Variants in RBFOX1 observed in about 807,000 individuals in gnomAD.
The protein encoded by RBFOX1 is RNA binding fox-1 homolog 1, also known as RNA binding protein fox-1 homolog 1.
A neutral mutation model predicts 57.7 loss-of-function variants in RBFOX1; 8 were observed. The observed-to-expected ratio is 0.14, with a 90% CI of 0.08 to 0.25. The LOEUF is 0.25. Ranked by LOEUF, RBFOX1 falls within the 10% of genes least tolerant of loss-of-function variation. The pLI, the probability that RBFOX1 is intolerant of heterozygous loss-of-function variation, is 1.00. For synonymous variants in RBFOX1, 326 were observed against 222.4 expected, an observed-to-expected ratio of 1.47 and a Z score of -4.15; for missense variants, 611 against 548.5, an observed-to-expected ratio of 1.11 and a Z score of -1.14.
intron 1 of RBFOX1, among the ~76,000 whole-genome samples, chr16:6,211,348 C>T (rs1046737667): frequency 6.6e-6 from 1 of 151,552 alleles, no homozygotes; most frequent in Non-Finnish European, 1.5e-5. Flanking sequence ...TCTACCTCAG[C>T]CTCCCAGGTA....
intron 4 of RBFOX1, among the ~76,000 whole-genome samples, chr16:5,987,976 C>T (rs978326400): frequency 6.6e-6 from 1 of 152,064 alleles, no homozygotes; most frequent in Non-Finnish European, 1.5e-5. Flanking sequence ...TTCCTGAGGC[C>T]CCACAGCCAG....
At chr16:6,358,192 C>G (rs2152861835) in intron 2 of RBFOX1, among the ~76,000 whole-genome samples, 1 of 152,266 alleles carries the variant, frequency 6.6e-6, no homozygotes, top group East Asian at 1.9e-4. Flanking sequence ...CCATGAAACA[C>G]TGACACCTCC....
intron 2 of RBFOX1, among the ~76,000 whole-genome samples, chr16:6,432,608 G>GTGGTTCA (rs1260899699): frequency 6.6e-6 from 1 of 152,088 alleles, no homozygotes; most frequent in Non-Finnish European, 1.5e-5. Context: ...CCTGAACCCA[G>GTGGTTCA]GAGGCGGAGG....
At chr16:7,224,095 T>C (rs1209030172) in intron 4 of RBFOX1, among the ~76,000 whole-genome samples, 1 of 131,702 alleles carries the variant, frequency 7.6e-6, no homozygotes, top group African/African-American at 2.9e-5. Context: ...TCTTTCAGGA[T>C]CTAGATTTTC....
chr16:5,880,649 C>T (rs1184497986), intron 4 of RBFOX1, among the ~76,000 whole-genome samples: 1 of 152,132 alleles, frequency 6.6e-6, no homozygotes, highest in Non-Finnish European at 1.5e-5. Context: ...GAATGAGTCT[C>T]TGTGTGTGTA....
intron 3 of RBFOX1, among the ~76,000 whole-genome samples, chr16:6,712,117 C>A (rs1381840226): frequency 6.6e-6 from 1 of 152,090 alleles, no homozygotes; most frequent in Non-Finnish European, 1.5e-5. Context: ...AGAGGCTTAA[C>A]AAATATTTAT....
At chr16:5,364,783 C>T (rs1169929680) in intron 1 of RBFOX1, among the ~76,000 whole-genome samples, 2 of 151,546 alleles carry the variant, frequency 1.3e-5, no homozygotes, top group Non-Finnish European at 2.9e-5. Context: ...GAGGCAGGTG[C>T]TGCTTTAAAG....
intron 4 of RBFOX1, among the ~76,000 whole-genome samples, chr16:7,182,428 C>G (rs74012710): frequency 2.0e-5 from 3 of 152,002 alleles, no homozygotes; most frequent in Non-Finnish European, 2.9e-5. Context: ...GTTCTTGGCT[C>G]GAAAGTTCTT....
chr16:6,311,789 T>A, intron 1 of RBFOX1, among the ~76,000 whole-genome samples: 1 of 152,124 alleles, frequency 6.6e-6, no homozygotes, highest in African/African-American at 2.4e-5. Context: ...AGGGCTTCTA[T>A]CTCCAATCTA....
intron 12 of RBFOX1, among the ~76,000 whole-genome samples, chr16:7,663,525 G>GTGTGTGTC (rs944824162): frequency 1.3e-5 from 2 of 151,310 alleles, no homozygotes; most frequent in Non-Finnish European, 2.9e-5. Flanking sequence ...GTGTGTGTGT[G>GTGTGTGTC]TGTGTGTTGT....
chr16:6,340,954 A>C (rs1599817367), intron 2 of RBFOX1, among the ~76,000 whole-genome samples: 1 of 152,292 alleles, frequency 6.6e-6, no homozygotes, highest in African/African-American at 2.4e-5. Context: ...GAAAACCAGA[A>C]GAAAAAAGGG....
intron 4 of RBFOX1, among the ~76,000 whole-genome samples, chr16:7,283,083 T>A (rs1404000654): frequency 6.6e-6 from 1 of 152,188 alleles, no homozygotes; most frequent in Non-Finnish European, 1.5e-5. Context: ...ATCTTTTTTG[T>A]ATAACGACTT....
At chr16:6,055,548 G>T (rs1395413727) in intron 1 of RBFOX1, among the ~76,000 whole-genome samples, 1 of 128,930 alleles carries the variant, frequency 7.8e-6, no homozygotes, top group Non-Finnish European at 1.5e-5. Flanking sequence ...AGCCAAGATC[G>T]CACCACTGCA....
At chr16:6,532,022 C>T (rs1056522905) in intron 2 of RBFOX1, among the ~76,000 whole-genome samples, 8 of 152,122 alleles carry the variant, frequency 5.3e-5, no homozygotes, top group Non-Finnish European at 7.3e-5. Context: ...AGGTCTCCTC[C>T]ATGGGAAGAA....
At chr16:5,904,800 AC>A (rs2058407261) in intron 4 of RBFOX1, among the ~76,000 whole-genome samples, 1 of 151,656 alleles carries the variant, frequency 6.6e-6, no homozygotes, top group Non-Finnish European at 1.5e-5. Flanking sequence ...ACACAGTGAA[AC>A]CCTGTCTCTA....
intron 3 of RBFOX1, among the ~76,000 whole-genome samples, chr16:6,768,990 G>C (rs1400904012): frequency 6.6e-6 from 1 of 152,122 alleles, no homozygotes; most frequent in Non-Finnish European, 1.5e-5. Flanking sequence ...GGCTCCCAAA[G>C]TGTTGAGGTT....
At position 7,556,567 on chromosome 16, in the gene RBFOX1, T is replaced by C. The variant is rs561527604; in HGVS notation, c.271-23210T>C. On this transcript the variant is annotated intron_variant, in intron 5 of 15. Coordinates refer to ENST00000550418, the MANE Select transcript of RBFOX1 (RefSeq NM_018723.4). ...CTTCATGGGCCTATCTTTGTTTTCA[T>C]TTTCAACATTCTCTTTTGGATACAG... Among the ~76,000 whole-genome samples, 4 of 152,328 alleles carry C rather than the reference T, an allele frequency of 2.6e-5. No homozygotes were observed. In the South Asian group the frequency reaches 8.3e-4, roughly 32 times the overall value.
At position 5,499,579 on chromosome 16, in the gene RBFOX1, A is replaced by T. The variant is rs541342015; in HGVS notation, c.258+32325A>T. 4.0e-5 allele frequency among the ~76,000 whole-genome samples: 6 copies of T among 148,464 alleles called. No homozygotes were observed. In the East Asian group the frequency reaches 7.9e-4, roughly 20 times the overall value. On this transcript the variant is annotated intron_variant, in intron 2 of 2. Coordinates refer to the RBFOX1 transcript ENST00000585867. ...TCTTTTTCTTTTCCTTTTTTTTTAA[A>T]TTTTTTTTTTTGAGGCTGAGTCTCG...
intron 3 of RBFOX1, among the ~76,000 whole-genome samples, chr16:7,001,534 G>A (rs1020415255): frequency 4.6e-5 from 7 of 152,042 alleles, no homozygotes; most frequent in African/African-American, 1.7e-4. Flanking sequence ...TCAACTCGTT[G>A]CAACCTCCGC....
Sources: gnomAD v4.1 joint callset for allele counts (sites outside exome capture counted in the v4.1 genomes callset) on GRCh38, gnomAD v4.1.1 for gene constraint, MANE v1.5 for transcripts, NCBI Gene and HGNC (gene_info 2026-07-23, HGNC 2026-07-21) for gene names.